Variants in KCNH8 observed in about 807,000 individuals in gnomAD.
KCNH8 encodes the protein potassium voltage-gated channel subfamily H member 8, also known as voltage-gated delayed rectifier potassium channel KCNH8.
KCNH8 carries 70 observed loss-of-function variants against 103.6 expected under a neutral mutation model. The observed-to-expected ratio is 0.68, with a 90% CI of 0.56 to 0.82. KCNH8 has a LOEUF of 0.82. Among genes scored for constraint, KCNH8 ranks in the 40% least tolerant of loss-of-function variants. The probability of loss-of-function intolerance (pLI) is 0.00; values close to 1 mark genes in which losing one functional copy is unlikely to be tolerated. For missense variants in KCNH8, 1,217 were observed against 1,329.9 expected (o/e 0.92, Z 1.32); for synonymous variants, 498 against 489.4 (o/e 1.02, Z -0.23).
At chr3:19,453,219 G>A (rs910878833) in intron 10 of KCNH8, among the ~76,000 whole-genome samples, 5 of 152,082 alleles carry the variant, frequency 3.3e-5, no homozygotes, top group African/African-American at 1.2e-4. Context: ...ACTGGAGGAG[G>A]GGCGTGAGGG....
intron 8 of KCNH8, among the ~76,000 whole-genome samples, chr3:19,440,303 T>C (rs749734817): frequency 6.6e-6 from 1 of 152,178 alleles, no homozygotes; most frequent in Non-Finnish European, 1.5e-5. Context: ...AATAACAGGC[T>C]TGATTCAACC....
At chr3:19,418,237 T>C (rs2066892527) in intron 7 of KCNH8, among the ~76,000 whole-genome samples, 1 of 152,182 alleles carries the variant, frequency 6.6e-6, no homozygotes, top group Admixed American at 6.5e-5. Context: ...TCAGTTGGCT[T>C]ATAGCAGAAA....
chr3:19,233,451 A>T (rs574307500), intron 1 of KCNH8, among the ~76,000 whole-genome samples: 2 of 152,170 alleles, frequency 1.3e-5, no homozygotes, highest in South Asian at 4.2e-4. Context: ...AGAAAAGAAG[A>T]TAGGAAGGAA....
intron 11 of KCNH8, among the ~76,000 whole-genome samples, chr3:19,465,018 T>G (rs908917130): frequency 6.6e-6 from 1 of 152,222 alleles, no homozygotes; most frequent in African/African-American, 2.4e-5. Flanking sequence ...AAGAAAAGTT[T>G]TGAAGGCATT....
chr3:19,309,622 A>G (rs2065184162), intron 3 of KCNH8, among the ~76,000 whole-genome samples: 1 of 152,046 alleles, frequency 6.6e-6, no homozygotes, highest in Non-Finnish European at 1.5e-5. Context: ...CTGCGAAAAA[A>G]GTGTTTCAAG....
At chr3:19,466,604 A>G (rs532404006) in intron 11 of KCNH8, among the ~76,000 whole-genome samples, 1 of 150,274 alleles carries the variant, frequency 6.7e-6, no homozygotes, top group African/African-American at 2.4e-5. Flanking sequence ...AAGAGATTAT[A>G]ACATACTGCA....
chr3:19,464,746 C>G (rs2125195484), intron 11 of KCNH8, among the ~76,000 whole-genome samples: 1 of 152,060 alleles, frequency 6.6e-6, no homozygotes, highest in East Asian at 1.9e-4. Flanking sequence ...TGGCTGATAT[C>G]CAAATGGCCA....
At chr3:19,382,160 G>A (rs1480179064) in intron 5 of KCNH8, among the ~76,000 whole-genome samples, 1 of 152,082 alleles carries the variant, frequency 6.6e-6, no homozygotes, top group Non-Finnish European at 1.5e-5. Context: ...TAGTTTAAAT[G>A]CTAAATATTA....
chr3:19,228,147 C>A (rs1322981840), intron 1 of KCNH8, among the ~76,000 whole-genome samples: 2 of 152,148 alleles, frequency 1.3e-5, no homozygotes, highest in African/African-American at 4.8e-5. Flanking sequence ...CCTGTCTCAC[C>A]TCCTGTTTTT....
At chr3:19,452,964 T>C (rs2067473007) in intron 10 of KCNH8, among the ~76,000 whole-genome samples, 1 of 152,186 alleles carries the variant, frequency 6.6e-6, no homozygotes, top group South Asian at 2.1e-4. Flanking sequence ...GTGTTCATCA[T>C]TGGATGAATG....
chr3:19,200,516 T>C (rs2063647163), intron 1 of KCNH8, among the ~76,000 whole-genome samples: 1 of 152,050 alleles, frequency 6.6e-6, no homozygotes, highest in South Asian at 2.1e-4. Context: ...TCCACCTTTT[T>C]TTTTTTTCCT....
Position 19,278,391 on chromosome 3 carries a change from AAAGGAAGGAGGG to A in KCNH8, c.311-2805_311-2794del, listed in dbSNP as rs1249590427. Among the ~76,000 whole-genome samples the A allele has an allele frequency of 8.8e-4, 132 of 150,648 alleles. 1 individual carries two copies. The highest frequency in any genetic ancestry group is 3.1e-3 in the African/African-American group (126 of 41,086). Reference sequence around the variant, plus strand: ...ATCTGGAGGGACAGTTGAAAGGAAAAAAGGAAGGAGGGAGGGAAGGAGGGAGGGAAGGAGGGA... The same window carrying A: ...ATCTGGAGGGACAGTTGAAAGGAAAAAGGGAAGGAGGGAGGGAAGGAGGGA... On this transcript the variant is annotated intron_variant, in intron 2 of 15. Coordinates refer to ENST00000328405, the MANE Select transcript of KCNH8 (RefSeq NM_144633.3).
intron 3 of KCNH8, among the ~76,000 whole-genome samples, chr3:19,285,189 TTAATG>T (rs2064814770): frequency 6.6e-6 from 1 of 151,814 alleles, no homozygotes; most frequent in African/African-American, 2.4e-5. Flanking sequence ...TATTTAAAAT[TTAATG>T]TAAGTTTAAA....
At chr3:19,505,869 C>A (rs895092175) in intron 11 of KCNH8, among the ~76,000 whole-genome samples, 3 of 152,012 alleles carry the variant, frequency 2.0e-5, no homozygotes, top group African/African-American at 7.2e-5. Context: ...CTTTTTTATT[C>A]TTTTTTATGT....
rs148496461 is a variant in KCNH8 at position 19,483,922 on chromosome 3, C to T, written c.2041-26441C>T. On this transcript the variant is annotated intron_variant, in intron 11 of 15. Coordinates refer to ENST00000328405, the MANE Select transcript of KCNH8 (RefSeq NM_144633.3). ...TCATTTTTATTTTTTATTCAAATGG[C>T]CTAAATGACACAAGACCAGTATTTA... Among the ~76,000 whole-genome samples the T allele has an allele frequency of 2.9e-3, 439 of 152,024 alleles. 12 individuals carry two copies. The highest frequency in any genetic ancestry group is 7.9e-4 in the Non-Finnish European group (54 of 67,982).
chr3:19,230,023 C>CG (rs35489446), intron 1 of KCNH8, among the ~76,000 whole-genome samples: 16,217 of 152,044 alleles, frequency 0.11, 2,864 homozygotes, highest in African/African-American at 0.36. Context: ...AGAATCATGG[C>CG]GAAGGTGAAA....
chr3:19,304,634 T>A (rs1016464476), intron 3 of KCNH8, among the ~76,000 whole-genome samples: 20 of 152,010 alleles, frequency 1.3e-4, no homozygotes, highest in African/African-American at 4.8e-4. Context: ...CTTCCAGAAA[T>A]TAGAGCAAAG....
At chr3:19,315,677 A>G (rs747290737) in intron 3 of KCNH8, among the ~76,000 whole-genome samples, 12 of 151,988 alleles carry the variant, frequency 7.9e-5, no homozygotes, top group Non-Finnish European at 1.5e-4. Context: ...ATTCCTCAAA[A>G]TAGTTCTTTT....
At chr3:19,402,281 A>G (rs187353503) in intron 7 of KCNH8, among the ~76,000 whole-genome samples, 2,027 of 152,088 alleles carry the variant, frequency 0.013, 25 homozygotes, top group Non-Finnish European at 0.018. Flanking sequence ...TTAAAAACAC[A>G]CCTTAGGAAA....
Sources: gnomAD v4.1 joint callset for allele counts (sites outside exome capture counted in the v4.1 genomes callset) on GRCh38, gnomAD v4.1.1 for gene constraint, MANE v1.5 for transcripts, NCBI Gene and HGNC (gene_info 2026-07-23, HGNC 2026-07-21) for gene names.